TYMS: variants seen among roughly 807,000 people sequenced by gnomAD.
TYMS encodes the protein thymidylate synthase.
A neutral mutation model predicts 39.3 loss-of-function variants in TYMS; 21 were observed. The observed-to-expected ratio is 0.54, with a 90% CI of 0.38 to 0.77. The LOEUF is 0.77. Among genes scored for constraint, TYMS ranks in the 30% least tolerant of loss-of-function variants. The pLI is 0.00. For synonymous variants in TYMS, 171 were observed against 162.2 expected (o/e 1.05, Z -0.41); for missense variants, 273 against 406.7 (o/e 0.67, Z 2.83).
At chr18:662,460 C>G (rs1339530308) in intron 3 of TYMS, 140 bp downstream of exon 3, 1 of 648,610 alleles carries the variant, frequency 1.5e-6, no homozygotes, top group Non-Finnish European at 2.4e-6. Context: ...AGGGGTGGTG[C>G]CAGGTTAAGC....
chr18:672,960 A>C lies in TYMS; in HGVS notation c.905A>C (p.Asn302Thr), dbSNP rs2075135057. ...KAEDFQIEGY[N>T]PHPTIKMEMA... Reference sequence around the variant, plus strand: ...GAAGACTTTCAGATTGAAGGGTACAATCCGCATCCAACTATTAAAATGGAA... The same window carrying C: ...GAAGACTTTCAGATTGAAGGGTACACTCCGCATCCAACTATTAAAATGGAA... Residue 302 changes from asparagine (N) to threonine (T), a missense_variant, in exon 7 of 7, where the codon AAT (asparagine) becomes ACT (threonine). Asn to Thr is a moderately conservative substitution (Grantham distance 65). Around this residue, in one of 3 missense-constraint regions of TYMS, gnomAD observed 35 missense variants for 42.4 expected, o/e 0.83. Coordinates refer to ENST00000323274, the MANE Select transcript of TYMS (RefSeq NM_001071.4). The C allele has an allele frequency of 1.3e-6, 2 of 1,584,270 alleles. No individual in the cohort carries two copies. The highest frequency in any genetic ancestry group is 4.5e-5 in the East Asian group (2 of 44,414).
chr18:661,812 A>G (rs1970763), intron 2 of TYMS, among the ~76,000 whole-genome samples: 64,951 of 152,044 alleles, frequency 0.43, 15,818 homozygotes, highest in East Asian at 0.68. Flanking sequence ...ATGGAGAAAC[A>G]CTGTCTCTAC....
At chr18:662,764 G>A (rs2074770569) in intron 3 of TYMS, among the ~76,000 whole-genome samples, 1 of 150,902 alleles carries the variant, frequency 6.6e-6, no homozygotes, top group Admixed American at 6.6e-5. Context: ...AATATGCAGT[G>A]TTTGGTTTTT....
intron 3 of TYMS, among the ~76,000 whole-genome samples, chr18:666,266 G>A (rs1437199658): frequency 4.0e-5 from 6 of 151,578 alleles, no homozygotes; most frequent in African/African-American, 9.7e-5. Flanking sequence ...GAAGTTCATC[G>A]GTGGGACAAG....
At chr18:659,236 C>CAT (rs2074730347) in intron 1 of TYMS, among the ~76,000 whole-genome samples, 1 of 152,004 alleles carries the variant, frequency 6.6e-6, no homozygotes, top group South Asian at 2.1e-4. Context: ...TTTACACTTT[C>CAT]ATTTCTCTGT....
chr18:663,013 T>G (rs892298343), intron 3 of TYMS, among the ~76,000 whole-genome samples: 1 of 142,532 alleles, frequency 7.0e-6, no homozygotes, highest in Non-Finnish European at 1.5e-5. Context: ...GATTTAATAG[T>G]CCTTTGGGTA....
Position 672,852 on chromosome 18 carries a change from G to T in TYMS, c.805-8G>T. 1.9e-6 allele frequency: 3 copies of T among 1,555,206 alleles called. No homozygotes were observed. Among genetic ancestry groups the T allele is most frequent in the Non-Finnish European group, 2.6e-6 (3 of 1,137,780 alleles). On this transcript the variant is annotated splice_region_variant and splice_polypyrimidine_tract_variant and intron_variant, in intron 6 of 6. Coordinates refer to ENST00000323274, the MANE Select transcript of TYMS (RefSeq NM_001071.4). ...TATGGCAAAATAATGGCCTTATTTT[G>T]TTTTTAGCTTCAGCGAGAACCCAGA... is the stretch of plus-strand genomic sequence containing the variant.
rs1268774668 is a variant in TYMS, at chr18:671,460, T to C, written c.804+9T>C. On this transcript the variant is annotated intron_variant, in intron 6 of 6. Transcript: ENST00000323274. Reference sequence around the variant, plus strand: ...AGCCACTGAAAATTCAGGTAAGAATTAGATGTTATACTTTTGGGTTTGGTA... The same window carrying C: ...AGCCACTGAAAATTCAGGTAAGAATCAGATGTTATACTTTTGGGTTTGGTA... The C allele has an allele frequency of 6.3e-7, 1 of 1,591,966 alleles. No homozygotes were observed. The highest frequency in any genetic ancestry group is 1.7e-5 in the Admixed American group (1 of 59,794).
chr18:666,633 C>A (rs1471576217), intron 3 of TYMS, among the ~76,000 whole-genome samples: 4 of 152,196 alleles, frequency 2.6e-5, no homozygotes, highest in African/African-American at 9.7e-5. Flanking sequence ...CACCTCCAGC[C>A]ACCTGGAGGA....
intron 3 of TYMS, 97 bp from the exon 4 acceptor site, chr18:668,975 C>T: frequency 2.0e-6 from 2 of 998,380 alleles, no homozygotes; most frequent in Non-Finnish European, 1.5e-6. Context: ...CAAGGGGGGA[C>T]CCTGGGTAAG....
At chr18:671,217 G>C in intron 5 of TYMS, 163 bp from the exon 6 acceptor site, 1 of 641,816 alleles carries the variant, frequency 1.6e-6, no homozygotes, top group Non-Finnish European at 2.7e-6. Flanking sequence ...ATACCAGCCT[G>C]GGCAACATAA....
At chr18:662,836 A>T (rs1163512485) in intron 3 of TYMS, among the ~76,000 whole-genome samples, 4 of 149,980 alleles carry the variant, frequency 2.7e-5, no homozygotes, top group African/African-American at 9.9e-5. Context: ...CCTACAAAGG[A>T]CATGAACTCA....
intron 6 of TYMS, 112 bp from the exon 7 acceptor site, chr18:672,748 T>C (rs2075126072): frequency 1.6e-6 from 2 of 1,256,716 alleles, no homozygotes; most frequent in Non-Finnish European, 2.2e-6. Context: ...ATCATACTCC[T>C]GTAAAATAGA....
intron 3 of TYMS, among the ~76,000 whole-genome samples, chr18:668,023 A>C (rs1170541004): frequency 1.2e-5 from 1 of 83,218 alleles, no homozygotes. Flanking sequence ...ATGCACAGAA[A>C]GTTTCCCTGG....
Position 660,811 on chromosome 18 carries a change from C to T in TYMS, c.279+1097C>T, listed in dbSNP as rs948776209. ...AGGTGGCTGAGGTCTGGGCTCAGGTCTGGGCCATACTAGAAGCTGGGATCC... is the reference window on the plus strand; with the variant it reads ...AGGTGGCTGAGGTCTGGGCTCAGGTTTGGGCCATACTAGAAGCTGGGATCC... On this transcript the variant is annotated intron_variant, in intron 2 of 6. Coordinates refer to ENST00000323274, the MANE Select transcript of TYMS (RefSeq NM_001071.4). The surrounding 1 kb of genome is among the most constrained non-coding windows in gnomAD (Gnocchi z 4.6). 2.0e-5 allele frequency among the ~76,000 whole-genome samples: 3 copies of T among 152,150 alleles called. No homozygotes were observed. The highest frequency in any genetic ancestry group is 4.4e-5 in the Non-Finnish European group (3 of 68,032).
chr18:672,685 C>A, intron 6 of TYMS, 175 bp from the exon 7 acceptor site: 1 of 579,600 alleles, frequency 1.7e-6, no homozygotes, highest in Non-Finnish European at 2.9e-6. Flanking sequence ...TGCAAGAGAA[C>A]AGCTGGTTGC....
intron 3 of TYMS, among the ~76,000 whole-genome samples, chr18:667,261 G>GGT (rs2074861033): frequency 1.0e-4 from 3 of 30,124 alleles, no homozygotes; most frequent in Admixed American, 2.1e-4. Flanking sequence ...TGATGGTGAT[G>GGT]GAGATGGTGA....
At chr18:668,946 A>C (rs1285775816) in intron 3 of TYMS, 126 bp from the exon 4 acceptor site, 1 of 674,466 alleles carries the variant, frequency 1.5e-6, no homozygotes, top group African/African-American at 1.8e-5. Flanking sequence ...GATGCACCAG[A>C]TGTCTTGTAG....
chr18:661,733 C>T (rs1051343790), intron 2 of TYMS, among the ~76,000 whole-genome samples: 5 of 152,228 alleles, frequency 3.3e-5, no homozygotes, highest in African/African-American at 1.2e-4. Flanking sequence ...CGCCTGTAAT[C>T]CCAGCACTTC....
Sources: gnomAD v4.1 joint callset for allele counts (sites outside exome capture counted in the v4.1 genomes callset) on GRCh38, gnomAD v4.1.1 for gene constraint, gnomAD v4.1.1 regional missense constraint, Gnocchi (gnomAD v3.1) non-coding constraint, MANE v1.5 for transcripts, NCBI Gene and HGNC (gene_info 2026-07-23, HGNC 2026-07-21) for gene names.